The following CDH23 variants were observed in gnomAD, a reference collection of about 807,000 sequenced individuals.
CDH23 encodes the protein cadherin-23.
A neutral mutation model predicts 317.1 loss-of-function variants in CDH23; 189 were observed. The observed-to-expected ratio is 0.60, with a 90% CI of 0.53 to 0.67. The LOEUF (loss-of-function observed/expected upper bound fraction) is 0.67, where lower values mean the gene tolerates loss of function less well. Among genes scored for constraint, CDH23 ranks in the 30% least tolerant of loss-of-function variants. The pLI, the probability that CDH23 is intolerant of heterozygous loss-of-function variation, is 0.00. For missense variants in CDH23, 4,401 were observed against 4,592.4 expected, an observed-to-expected ratio of 0.96 and a Z score of 1.20; for synonymous variants, 1,839 against 1,876.8, an observed-to-expected ratio of 0.98 and a Z score of 0.52.
rs529688229 is a variant in CDH23 at position 71,734,188 on chromosome 10, G to T, written c.4105-52G>T. The T allele has an allele frequency of 4.1e-6, 6 of 1,460,570 alleles. No homozygotes were observed. The African/African-American group carries it at 8.4e-5, about 20-fold the overall frequency. The allele number at this position is 1,460,570 out of a possible 1,614,324, so 90.5% of individuals were successfully genotyped here. A position where few individuals can be genotyped will look rare whatever the true frequency, so the allele number is the denominator to read the frequency against. On this transcript the variant is annotated intron_variant, in intron 32 of 69. Transcript: ENST00000224721. ...GTGGAAAAGTGGGCAGAATGACCAGGGTTAACAAGGGTGCGATGTTGTCAC... is the reference window on the plus strand; with the variant it reads ...GTGGAAAAGTGGGCAGAATGACCAGTGTTAACAAGGGTGCGATGTTGTCAC...
chr10:71,667,022 G>T (rs1204689535), intron 14 of CDH23, among the ~76,000 whole-genome samples: 1 of 152,238 alleles, frequency 6.6e-6, no homozygotes, highest in Admixed American at 6.5e-5. Context: ...TGAACAAATT[G>T]TACCGCGTGC....
At chr10:71,788,279 AC>A (rs1841154520) in intron 44 of CDH23, among the ~76,000 whole-genome samples, 1 of 151,994 alleles carries the variant, frequency 6.6e-6, no homozygotes, top group Admixed American at 6.6e-5. Context: ...CGAACTCCTG[AC>A]CTTAAGTGAT....
At chr10:71,507,509 T>C (rs114056166) in intron 3 of CDH23, among the ~76,000 whole-genome samples, 2,506 of 152,238 alleles carry the variant, frequency 0.016, 58 homozygotes, top group African/African-American at 0.053. Flanking sequence ...CTGGCCAACA[T>C]GATGAAACCC....
At position 71,553,162 on chromosome 10, in the gene CDH23, G is replaced by GT. The variant is rs1040682976; in HGVS notation, c.430-13579dup. On this transcript the variant is annotated intron_variant, in intron 6 of 69. Coordinates refer to ENST00000224721, the MANE Select transcript of CDH23 (RefSeq NM_022124.6). Reference sequence around the variant, plus strand: ...GTGATTCTAATATGCAGCCAGGGGTGTGAACCATTGGAATAGACATTGGAA... The same window carrying GT: ...GTGATTCTAATATGCAGCCAGGGGTGTTGAACCATTGGAATAGACATTGGAA... Among the ~76,000 whole-genome samples the GT allele has an allele frequency of 1.5e-4, 23 of 152,310 alleles. 1 individual carries two copies. The highest frequency in any genetic ancestry group is 5.3e-4 in the African/African-American group (22 of 41,546).
chr10:71,801,022 G>A (rs940188411), intron 53 of CDH23, among the ~76,000 whole-genome samples: 1 of 152,030 alleles, frequency 6.6e-6, no homozygotes. Context: ...AACATACCTG[G>A]GTGTAACCCA....
intron 62 of CDH23, 111 bp downstream of exon 62, chr10:71,810,680 A>T: frequency 1.0e-6 from 1 of 972,302 alleles, no homozygotes; most frequent in African/African-American, 1.6e-5. Context: ...CATCAGGCCC[A>T]CTGTGTGGGG....
intron 9 of CDH23, among the ~76,000 whole-genome samples, chr10:71,583,430 T>C (rs1329314164): frequency 1.3e-5 from 2 of 151,022 alleles, no homozygotes; most frequent in African/African-American, 2.4e-5. Context: ...GTGGTCAAGG[T>C]GGAGCAGACA....
intron 3 of CDH23, among the ~76,000 whole-genome samples, chr10:71,447,574 G>A (rs1303456497): frequency 6.6e-6 from 1 of 152,158 alleles, no homozygotes; most frequent in Non-Finnish European, 1.5e-5. Flanking sequence ...GGCCCTCTGT[G>A]GAAAACGGCT....
intron 6 of CDH23, among the ~76,000 whole-genome samples, chr10:71,555,756 G>A (rs1036732008): frequency 6.6e-6 from 1 of 152,198 alleles, no homozygotes; most frequent in Non-Finnish European, 1.5e-5. Flanking sequence ...AGGAGCTGGG[G>A]CTGTTTCATG....
At chr10:71,801,722 G>C (rs1014603437) in intron 53 of CDH23, among the ~76,000 whole-genome samples, 12 of 152,178 alleles carry the variant, frequency 7.9e-5, no homozygotes, top group Non-Finnish European at 1.3e-4. Context: ...AAGGTCGGGG[G>C]TGTGAACAGC....
At chr10:71,681,426 G>T (rs890736311) in intron 17 of CDH23, among the ~76,000 whole-genome samples, 2 of 152,168 alleles carry the variant, frequency 1.3e-5, no homozygotes, top group African/African-American at 2.4e-5. Flanking sequence ...CAGGGCACAG[G>T]CATCTATCTT....
At chr10:71,811,126 G>C (rs1275278916) in intron 62 of CDH23, among the ~76,000 whole-genome samples, 189 bp from the exon 63 acceptor site, 1 of 149,912 alleles carries the variant, frequency 6.7e-6, no homozygotes, top group Non-Finnish European at 1.5e-5. Context: ...TCCACTGTAA[G>C]GATGGAACAG....
chr10:71,627,493 G>A (rs2132544604), intron 11 of CDH23, among the ~76,000 whole-genome samples: 1 of 152,318 alleles, frequency 6.6e-6, no homozygotes, highest in Middle Eastern at 3.4e-3. Flanking sequence ...CCTCTGCCAT[G>A]AGTCAGACAC....
rs79246209 is a variant in CDH23, at chr10:71,529,089, G to A, written c.429+17877G>A. Among the ~76,000 whole-genome samples, 839 of 152,240 alleles carry A rather than the reference G, an allele frequency of 5.5e-3. 15 individuals carry two copies. In the East Asian group the frequency reaches 0.062, roughly 11 times the overall value. On this transcript the variant is annotated intron_variant, in intron 6 of 69. Transcript: ENST00000224721. Reference sequence around the variant, plus strand: ...GGACAACCCCAGTGTTTTCTCAGCCGTATTTTAACACACATGTGAGTCAGC... The same window carrying A: ...GGACAACCCCAGTGTTTTCTCAGCCATATTTTAACACACATGTGAGTCAGC...
chr10:71,767,164 A>G (rs1461965963), intron 38 of CDH23, among the ~76,000 whole-genome samples: 1 of 152,194 alleles, frequency 6.6e-6, no homozygotes, highest in Non-Finnish European at 1.5e-5. Context: ...TCTTGTTGGC[A>G]TCTTCTCAGA....
Position 71,645,911 on chromosome 10 carries a change from G to T in CDH23, c.1221G>T (p.Gly407=). 3 of 1,613,668 alleles carry T rather than the reference G, an allele frequency of 1.9e-6. No individual in the cohort carries two copies. Among genetic ancestry groups the T allele is most frequent in the Non-Finnish European group, 1.7e-6 (2 of 1,179,736 alleles). Residue 407 remains glycine (G), a synonymous_variant, in exon 13 of 70, where the codon GGG becomes GGT. Transcript: ENST00000224721. ...HFIISPTSVQ[G]KADIRIRVAI... ...TCATCTCCCCGACCTCCGTCCAGGG[G>T]AAGGCGGACATTCGTATTCGGGTGG...
In CDH23 at chr10:71,740,901, A is replaced by T; in HGVS notation, c.4568A>T (p.Asn1523Ile). The change falls in exon 37 of 70, where the codon AAC becomes ATC. Residue 1523 changes from asparagine to isoleucine, a missense_variant. Asn to Ile is a moderately radical substitution (Grantham distance 149). This residue lies in a region of CDH23 where 3,068 missense variants were observed against 3,203.3 expected (regional missense o/e 0.96). Coordinates refer to ENST00000224721, the MANE Select transcript of CDH23 (RefSeq NM_022124.6). Reference sequence around the variant, plus strand: ...GTGACCATCCTGGACATCAATGACAACCCTCCAGTCATCGAGAGCCCCTTT... The same window carrying T: ...GTGACCATCCTGGACATCAATGACATCCCTCCAGTCATCGAGAGCCCCTTT... The part of the protein sequence containing the change: ...LQVTILDIND[N>I]PPVIESPFGY... 1 of 1,613,742 alleles carries T rather than the reference A, an allele frequency of 6.2e-7. No homozygotes were observed. The highest frequency in any genetic ancestry group is 1.1e-5 in the South Asian group (1 of 91,068).
rs759439688 is a variant in CDH23 at position 71,799,201 on chromosome 10, G to A, written c.7145G>A (p.Arg2382Gln). 54 of 1,614,000 alleles carry A rather than the reference G, an allele frequency of 3.3e-5. No homozygotes were observed. The East Asian group carries it at 6.2e-4, about 19-fold the overall frequency. ...GCCTCAGACAACGGGTCCCCGCCCC[G>A]GGCAGCTGAGATCCCTGTCTACCTG... Reference protein sequence around the residue: ...VRASDNGSPPRAAEIPVYLEI... With the variant: ...VRASDNGSPPQAAEIPVYLEI... Residue 2382 changes from arginine (R) to glutamine (Q), a missense_variant, in exon 51 of 70, where the codon CGG becomes CAG. Coordinates refer to ENST00000224721, the MANE Select transcript of CDH23 (RefSeq NM_022124.6).
chr10:71,590,354 C>CA (rs1339230336), intron 9 of CDH23, among the ~76,000 whole-genome samples: 4 of 152,214 alleles, frequency 2.6e-5, no homozygotes, highest in Non-Finnish European at 5.9e-5. Context: ...TACCCCTCCC[C>CA]ACCACTTGAA....
Sources: gnomAD v4.1 joint callset for allele counts (sites outside exome capture counted in the v4.1 genomes callset) on GRCh38, gnomAD v4.1.1 for gene constraint, gnomAD v4.1.1 regional missense constraint, MANE v1.5 for transcripts, NCBI Gene and HGNC (gene_info 2026-07-23, HGNC 2026-07-21) for gene names.